DDX46: variants seen among roughly 807,000 people sequenced by gnomAD.
The protein encoded by DDX46 is DEAD-box helicase 46, also known as probable ATP-dependent RNA helicase DDX46.
A neutral mutation model predicts 134.9 loss-of-function variants in DDX46; 30 were observed. The observed-to-expected ratio is 0.22, with a 90% CI of 0.17 to 0.30. DDX46 has a LOEUF of 0.30. Ranked by LOEUF, DDX46 falls within the 10% of genes least tolerant of loss-of-function variation. DDX46 has a pLI of 1.00. For synonymous variants in DDX46, 415 were observed against 404.1 expected (o/e 1.03, Z -0.32); for missense variants, 622 against 1,248.7 (o/e 0.50, Z 7.56).
intron 1 of DDX46, among the ~76,000 whole-genome samples, chr5:134,760,263 C>G (rs1580764492): frequency 1.3e-5 from 2 of 152,288 alleles, no homozygotes; most frequent in East Asian, 3.9e-4. Context: ...TCAGCCTTCT[C>G]CTTTACCTCT....
chr5:134,817,185 A>G, intron 19 of DDX46: 1 of 276,328 alleles, frequency 3.6e-6, no homozygotes, highest in Non-Finnish European at 6.7e-6. Context: ...AGAGTATGCA[A>G]ATGATTTTCG....
chr5:134,801,370 A>T lies in DDX46; in HGVS notation c.1954+5220A>T, dbSNP rs74866490. Among the ~76,000 whole-genome samples, 1,116 of 152,168 alleles carry T rather than the reference A, an allele frequency of 7.3e-3. 12 individuals carry two copies. The highest frequency in any genetic ancestry group is 0.026 in the African/African-American group (1,061 of 41,516). On this transcript the variant is annotated intron_variant, in intron 15 of 22. Transcript: ENST00000452510. ...GCTTAATAACTTTGATATGCATCCAAGTTCCAAGTTCTTGCATAGTTTATT... is the reference window on the plus strand; with the variant it reads ...GCTTAATAACTTTGATATGCATCCATGTTCCAAGTTCTTGCATAGTTTATT...
intron 1 of DDX46, among the ~76,000 whole-genome samples, chr5:134,759,787 A>G (rs1458597714): frequency 6.6e-6 from 1 of 152,244 alleles, no homozygotes; most frequent in Non-Finnish European, 1.5e-5. Context: ...GATGAAATTT[A>G]GCAAATATAT....
chr5:134,801,117 C>G (rs955719902), intron 15 of DDX46, among the ~76,000 whole-genome samples: 1 of 152,028 alleles, frequency 6.6e-6, no homozygotes, highest in East Asian at 1.9e-4. Flanking sequence ...GACCCCATCT[C>G]TATGAAAAAA....
intron 11 of DDX46, among the ~76,000 whole-genome samples, chr5:134,786,714 G>A (rs1312153816): frequency 6.6e-6 from 1 of 152,036 alleles, no homozygotes; most frequent in Non-Finnish European, 1.5e-5. Context: ...GCTTGGTGGC[G>A]CCTGCCTGTA....
intron 15 of DDX46, among the ~76,000 whole-genome samples, chr5:134,803,751 G>A (rs186914848): frequency 4.0e-4 from 61 of 152,164 alleles, no homozygotes; most frequent in East Asian, 2.1e-3. Context: ...GGTCCAGTAA[G>A]GTTTCTCCTA....
At chr5:134,811,515 ATCTTAT>A in intron 17 of DDX46, 157 bp downstream of exon 17, 1 of 1,193,748 alleles carries the variant, frequency 8.4e-7, no homozygotes, top group South Asian at 1.6e-5. Flanking sequence ...CTAAAATCCT[ATCTTAT>A]TCTTGAACTT....
chr5:134,793,850 A>G (rs990971610), intron 13 of DDX46, among the ~76,000 whole-genome samples: 1 of 152,128 alleles, frequency 6.6e-6, no homozygotes, highest in Non-Finnish European at 1.5e-5. Flanking sequence ...GATTGCCCTG[A>G]GGTGTAAACT....
At chr5:134,819,863 A>G (rs989499487) in intron 21 of DDX46, among the ~76,000 whole-genome samples, 3 of 151,864 alleles carry the variant, frequency 2.0e-5, no homozygotes, top group South Asian at 2.1e-4. Flanking sequence ...GTGTTACTCT[A>G]CTGCATAGTA....
chr5:134,763,108 T>C (rs1753445782), intron 1 of DDX46, among the ~76,000 whole-genome samples: 1 of 152,098 alleles, frequency 6.6e-6, no homozygotes, highest in African/African-American at 2.4e-5. Context: ...GACGCATGCC[T>C]GAAGTTCCGG....
intron 7 of DDX46, among the ~76,000 whole-genome samples, chr5:134,781,585 T>C (rs1290058328): frequency 6.6e-6 from 1 of 152,182 alleles, no homozygotes; most frequent in Non-Finnish European, 1.5e-5. Flanking sequence ...CAAAGCCTTA[T>C]TAGAGCTGTC....
Position 134,791,428 on chromosome 5 carries a change from G to A in DDX46, c.1626+876G>A, listed in dbSNP as rs1580797234. ...ACAAAAAAATTAGCCGGGCTTGGTG[G>A]CAGGCGCCTGTAGTCCCAGCTACTC... On this transcript the variant is annotated intron_variant, in intron 13 of 22. Transcript: ENST00000452510. 4.6e-5 allele frequency among the ~76,000 whole-genome samples: 7 copies of A among 152,248 alleles called. 1 individual carries two copies. Among genetic ancestry groups the A allele is most frequent in the Admixed American group, 4.6e-4 (7 of 15,292 alleles).
At position 134,781,089 on chromosome 5, in the gene DDX46, T is replaced by C. The variant is rs149297446; in HGVS notation, c.766-44T>C. ...TGTGCTTCAGCAGTCATATAACTTG[T>C]GTTTCAGCTTTGCAAAATATTCTAT... On this transcript the variant is annotated intron_variant, in intron 6 of 22. Transcript: ENST00000452510. 5.5e-4 allele frequency: 759 copies of C among 1,380,782 alleles called. 1 individual carries two copies. Among genetic ancestry groups the C allele is most frequent in the African/African-American group, 4.0e-3 (269 of 67,648 alleles). 85.5% of individuals were successfully genotyped at this position (1,380,782 alleles called of 1,614,324 possible). A position where few individuals can be genotyped will look rare whatever the true frequency, so the allele number is the denominator to read the frequency against.
intron 1 of DDX46, among the ~76,000 whole-genome samples, chr5:134,759,295 G>A (rs1410372344): frequency 6.6e-6 from 1 of 152,162 alleles, no homozygotes; most frequent in African/African-American, 2.4e-5. Context: ...TTATTGCTTC[G>A]CGTTTCCAAC....
chr5:134,778,994 T>A (rs1419802332), intron 6 of DDX46, among the ~76,000 whole-genome samples: 2 of 152,162 alleles, frequency 1.3e-5, no homozygotes, highest in Non-Finnish European at 2.9e-5. Context: ...CCTCCTGGCT[T>A]CAAGTGATTC....
chr5:134,811,669 A>AT, intron 17 of DDX46, 27 bp from the exon 18 acceptor site: 2 of 1,574,802 alleles, frequency 1.3e-6, no homozygotes. Flanking sequence ...TTACTATGAG[A>AT]TTAACTTCGT....
chr5:134,774,881 T>A lies in DDX46; in HGVS notation c.613+1020T>A, dbSNP rs1029883701. 2.0e-5 allele frequency among the ~76,000 whole-genome samples: 3 copies of A among 152,018 alleles called. No homozygotes were observed. In the South Asian group the frequency reaches 6.2e-4, roughly 32 times the overall value. ...TCTTTTTTCTTTTTTGACAGAGTCTTGCTCTGTCACCCAGGCGGCACTGCA... is the reference window on the plus strand; with the variant it reads ...TCTTTTTTCTTTTTTGACAGAGTCTAGCTCTGTCACCCAGGCGGCACTGCA... On this transcript the variant is annotated intron_variant, in intron 5 of 22. Transcript: ENST00000452510.
intron 5 of DDX46, among the ~76,000 whole-genome samples, chr5:134,775,467 A>G (rs994189067): frequency 3.3e-5 from 5 of 151,934 alleles, no homozygotes; most frequent in African/African-American, 1.2e-4. Context: ...GCTTGAGTGC[A>G]GTGCCGTGAT....
Position 134,795,043 on chromosome 5 carries a change from T to C in DDX46, c.1791+29T>C, listed in dbSNP as rs1452789542. ...GGTACCATCTTTAGGAAATTCCCAG[T>C]TTCCTTGATACTTAGGTGGTATGTA... On this transcript the variant is annotated intron_variant, in intron 14 of 22. Coordinates refer to ENST00000452510, the MANE Select transcript of DDX46 (RefSeq NM_001300860.2). 2.5e-6 allele frequency: 4 copies of C among 1,610,932 alleles called. No homozygotes were observed. In the East Asian group the frequency reaches 6.7e-5, roughly 27 times the overall value.
Sources: allele counts gnomAD v4.1 joint callset (sites outside exome capture counted in the v4.1 genomes callset), GRCh38; gene constraint gnomAD v4.1.1; transcripts MANE v1.5; gene names NCBI Gene and HGNC (gene_info 2026-07-23, HGNC 2026-07-21).